Variants in CPNE4 observed in about 807,000 individuals in gnomAD.
CPNE4 encodes the protein copine-4.
In CPNE4, 25 loss-of-function variants were observed where a neutral mutation model predicts 67.9. The ratio of observed to expected loss-of-function variants is 0.37; its 90% confidence interval spans 0.27 to 0.51. The LOEUF is 0.51. Among genes scored for constraint, CPNE4 ranks in the 20% least tolerant of loss-of-function variants. CPNE4 has a pLI of 0.93. For synonymous variants in CPNE4, 242 were observed against 244.9 expected, an observed-to-expected ratio of 0.99 and a Z score of 0.11; for missense variants, 464 against 690.8, an observed-to-expected ratio of 0.67 and a Z score of 3.68.
intron 1 of CPNE4, among the ~76,000 whole-genome samples, chr3:131,925,064 T>C (rs1179047087): frequency 6.6e-6 from 1 of 152,198 alleles, no homozygotes; most frequent in Non-Finnish European, 1.5e-5. Flanking sequence ...TAAAGAAGTT[T>C]CACTCTCAAA....
intron 7 of CPNE4, among the ~76,000 whole-genome samples, chr3:131,658,317 G>A (rs2080031326): frequency 6.6e-6 from 1 of 152,030 alleles, no homozygotes; most frequent in Non-Finnish European, 1.5e-5. Context: ...CAGCACGAGT[G>A]GCCTCTGTAG....
At chr3:131,657,961 C>T (rs2080021943) in intron 7 of CPNE4, among the ~76,000 whole-genome samples, 2 of 152,088 alleles carry the variant, frequency 1.3e-5, no homozygotes, top group African/African-American at 4.8e-5. Context: ...AGAGTAAACA[C>T]TCTCCAGACT....
chr3:132,005,314 C>CAT (rs767282824), intron 1 of CPNE4, among the ~76,000 whole-genome samples: 828 of 81,556 alleles, frequency 0.01, 7 homozygotes, highest in East Asian at 0.038. Flanking sequence ...GCCATTTTTA[C>CAT]ATATATATAT....
intron 2 of CPNE4, among the ~76,000 whole-genome samples, chr3:131,858,789 A>C (rs1025029824): frequency 6.6e-6 from 1 of 152,172 alleles, no homozygotes; most frequent in African/African-American, 2.4e-5. Flanking sequence ...AATAACGTTC[A>C]TTATACAAAT....
chr3:131,549,985 T>G lies in CPNE4; in HGVS notation c.1264A>C (p.Lys422Gln). The change falls in exon 14 of 16, where the codon AAG (lysine) becomes CAG (glutamine). Residue 422 changes from lysine to glutamine, a missense_variant. Physicochemically the swap from Lys to Gln is moderately conservative, Grantham distance 53. This residue lies in a region of CPNE4 where 201 missense variants were observed against 357.7 expected (regional missense o/e 0.56). Coordinates refer to ENST00000429747, the MANE Select transcript of CPNE4 (RefSeq NM_130808.3). ...GTGTTAGTTTCCTCTGACGCTGACT[T>G]GGCAACCTTCTGGATGATGGGGGCA... ...NIAPIIQKVA[K>Q]SASEETNTKE... is the part of the protein sequence containing the mutation. 6.2e-7 allele frequency: 1 copy of G among 1,613,208 alleles called. No homozygotes were observed. Among genetic ancestry groups the G allele is most frequent in the South Asian group, 1.1e-5 (1 of 91,044 alleles).
intron 2 of CPNE4, among the ~76,000 whole-genome samples, chr3:131,816,490 G>A (rs149562145): frequency 4.6e-5 from 7 of 152,140 alleles, no homozygotes; most frequent in East Asian, 3.9e-4. Context: ...CAGGAAATAC[G>A]AGCAGTTTTC....
intron 2 of CPNE4, among the ~76,000 whole-genome samples, chr3:131,792,925 G>GTGTGTATA (rs58502463): frequency 0.034 from 4,529 of 135,076 alleles, 103 homozygotes; most frequent in Middle Eastern, 0.059. Flanking sequence ...GTGTGTGTGT[G>GTGTGTATA]TATCTCCAAC....
intron 1 of CPNE4, among the ~76,000 whole-genome samples, chr3:132,008,678 T>G (rs190162241): frequency 6.6e-6 from 1 of 152,198 alleles, no homozygotes; most frequent in Non-Finnish European, 1.5e-5. Context: ...GCCCATAAAT[T>G]CTTTTATGAA....
At chr3:131,958,974 T>TCAATTA (rs1346059437) in intron 1 of CPNE4, among the ~76,000 whole-genome samples, 31 of 1,706 alleles carry the variant, frequency 0.018, no homozygotes, top group South Asian at 0.03. Context: ...ACCTTTCTTT[T>TCAATTA]TTTTTTTTTT....
intron 7 of CPNE4, among the ~76,000 whole-genome samples, chr3:131,598,503 G>T (rs57057045): frequency 6.6e-6 from 1 of 151,942 alleles, no homozygotes; most frequent in African/African-American, 2.4e-5. Context: ...TTATTGTCTC[G>T]TGGTGATCCT....
intron 7 of CPNE4, among the ~76,000 whole-genome samples, chr3:131,666,498 G>A (rs537715198): frequency 1.3e-5 from 2 of 152,152 alleles, no homozygotes; most frequent in South Asian, 2.1e-4. Flanking sequence ...AAGCAAGGAC[G>A]TTATCAAGCA....
chr3:131,627,514 T>C (rs533184830), intron 7 of CPNE4, among the ~76,000 whole-genome samples: 6 of 132,338 alleles, frequency 4.5e-5, no homozygotes, highest in Non-Finnish European at 9.0e-5. Flanking sequence ...AATTTTGACT[T>C]TCCAGTCTTC....
intron 2 of CPNE4, among the ~76,000 whole-genome samples, chr3:131,814,521 A>G (rs1055864476): frequency 7.0e-6 from 1 of 142,846 alleles, no homozygotes; most frequent in Non-Finnish European, 1.5e-5. Flanking sequence ...CTACCACAAG[A>G]CTCTTTCTGT....
Position 131,990,916 on chromosome 3 carries a change from C to A in CPNE4, c.-2+43651G>T, listed in dbSNP as rs1358302601. ...GCTTTCTTGTGACAGTGAATTCTCA[C>A]AAGATCTGATGGTTTTATAAGGGGC... On this transcript the variant is annotated intron_variant, in intron 1 of 15. Coordinates refer to ENST00000429747, the MANE Select transcript of CPNE4 (RefSeq NM_130808.3). 1.5e-5 allele frequency among the ~76,000 whole-genome samples: 2 copies of A among 135,792 alleles called. 1 individual carries two copies. The highest frequency in any genetic ancestry group is 3.3e-5 in the Non-Finnish European group (2 of 59,832). The allele number at this position is 135,792 out of a possible 152,430, so 89.1% of individuals were successfully genotyped here.
intron 2 of CPNE4, among the ~76,000 whole-genome samples, chr3:131,892,344 C>T (rs1340831280): frequency 2.0e-5 from 3 of 152,092 alleles, no homozygotes; most frequent in Non-Finnish European, 4.4e-5. Flanking sequence ...TGCTATTCTT[C>T]AGAAATGAAG....
chr3:131,706,258 T>A (rs2081411224), intron 3 of CPNE4, among the ~76,000 whole-genome samples: 1 of 152,180 alleles, frequency 6.6e-6, no homozygotes, highest in South Asian at 2.1e-4. Context: ...AGTATTTTTG[T>A]TATTACTTTT....
Position 131,693,992 on chromosome 3 carries a change from G to A in CPNE4, c.507+2550C>T, listed in dbSNP as rs376597273. 3.9e-5 allele frequency among the ~76,000 whole-genome samples: 6 copies of A among 152,080 alleles called. No homozygotes were observed. In the South Asian group the frequency reaches 1.0e-3, roughly 26 times the overall value. On this transcript the variant is annotated intron_variant, in intron 5 of 15. Coordinates refer to ENST00000429747, the MANE Select transcript of CPNE4 (RefSeq NM_130808.3). ...TTTAAAATTTTCATCTATAAAATAA[G>A]GCAGTTGGATTAGACAGTGGCTTTC...
At chr3:131,630,579 T>C (rs1324729835) in intron 7 of CPNE4, among the ~76,000 whole-genome samples, 1 of 152,222 alleles carries the variant, frequency 6.6e-6, no homozygotes, top group East Asian at 1.9e-4. Flanking sequence ...TATGTGGCTA[T>C]TTAAATTTTA....
At chr3:131,947,320 C>T (rs2071581674) in intron 1 of CPNE4, among the ~76,000 whole-genome samples, 1 of 152,052 alleles carries the variant, frequency 6.6e-6, no homozygotes, top group South Asian at 2.1e-4. Context: ...CTGCACCTAT[C>T]AACCCATCAT....
Sources: gnomAD v4.1 joint callset for allele counts (sites outside exome capture counted in the v4.1 genomes callset) on GRCh38, gnomAD v4.1.1 for gene constraint, gnomAD v4.1.1 regional missense constraint, MANE v1.5 for transcripts, NCBI Gene and HGNC (gene_info 2026-07-23, HGNC 2026-07-21) for gene names.